Variants in CRTAC1 observed in about 807,000 individuals in gnomAD.
The protein encoded by CRTAC1 is acidic secreted protein in cartilage.
In CRTAC1, 37 loss-of-function variants were observed where a neutral mutation model predicts 67.8. The ratio of observed to expected loss-of-function variants is 0.55; its 90% CI spans 0.42 to 0.72. The LOEUF (loss-of-function observed/expected upper bound fraction) is 0.72. Among genes scored for constraint, CRTAC1 ranks in the 30% least tolerant of loss-of-function variants. The pLI is 0.00. For synonymous variants in CRTAC1, 348 were observed against 371.0 expected (o/e 0.94, Z 0.71); for missense variants, 780 against 931.6 (o/e 0.84, Z 2.12).
intron 2 of CRTAC1, among the ~76,000 whole-genome samples, chr10:97,940,747 AG>A (rs2136619597): frequency 6.6e-6 from 1 of 152,326 alleles, no homozygotes; most frequent in Non-Finnish European, 1.5e-5. Context: ...CATCTGGAAC[AG>A]GGGGCTGCTG....
At chr10:97,957,064 C>T (rs1188585965) in intron 2 of CRTAC1, among the ~76,000 whole-genome samples, 2 of 151,968 alleles carry the variant, frequency 1.3e-5, no homozygotes, top group East Asian at 3.9e-4. Context: ...ATCCTTCCAC[C>T]TTGGCCTCTT....
chr10:97,925,608 ATGAGTGAGAG>A (rs1304798062), intron 3 of CRTAC1, among the ~76,000 whole-genome samples: 5 of 135,164 alleles, frequency 3.7e-5, no homozygotes, highest in Admixed American at 1.5e-4. Context: ...GAGAGCGGGG[ATGAGTGAGAG>A]TGAGTGTGAG....
At chr10:97,913,968 G>T (rs1453307895) in intron 5 of CRTAC1, among the ~76,000 whole-genome samples, 1 of 152,200 alleles carries the variant, frequency 6.6e-6, no homozygotes, top group Admixed American at 6.5e-5. Context: ...ACTGCTCCCA[G>T]CCAACAGCAA....
chr10:97,936,218 C>A lies in CRTAC1; in HGVS notation c.373G>T (p.Asp125Tyr), dbSNP rs2051084507. 2 of 1,613,822 alleles carry A rather than the reference C, an allele frequency of 1.2e-6. No individual in the cohort carries two copies. The change falls in exon 3 of 15, where the codon GAC becomes TAC. Residue 125 changes from aspartate (D) to tyrosine (Y), a missense_variant. Asp to Tyr is a radical substitution (Grantham distance 160). Coordinates refer to ENST00000370597, the MANE Select transcript of CRTAC1 (RefSeq NM_018058.7). ...IGVTACDIDG[D>Y]GREEIYFLNT... is the part of the protein sequence containing the mutation. ...AGGAAGTAGATCTCCTCCCGGCCGT[C>A]CCCGTCGATGTCGCAGGCTGTGACC...
At chr10:97,880,687 C>T (rs532859217) in intron 13 of CRTAC1, among the ~76,000 whole-genome samples, 1 of 152,270 alleles carries the variant, frequency 6.6e-6, no homozygotes. Flanking sequence ...CACAACCTCT[C>T]CCCGTGGCTC....
chr10:98,023,727 C>T (rs938997246), intron 1 of CRTAC1, among the ~76,000 whole-genome samples: 1 of 152,198 alleles, frequency 6.6e-6, no homozygotes, highest in Non-Finnish European at 1.5e-5. Flanking sequence ...AGGGACTGAC[C>T]TCCAGAGGCT....
At chr10:97,914,439 C>T (rs932559474) in intron 5 of CRTAC1, among the ~76,000 whole-genome samples, 2 of 152,190 alleles carry the variant, frequency 1.3e-5, no homozygotes, top group Admixed American at 6.5e-5. Context: ...GTCCCATGTG[C>T]GCCTCCTTTC....
chr10:97,883,584 T>C (rs1479777087), intron 12 of CRTAC1, among the ~76,000 whole-genome samples: 1 of 152,236 alleles, frequency 6.6e-6, no homozygotes, highest in Non-Finnish European at 1.5e-5. Context: ...CTTGAGCTCC[T>C]AGGGCTGAGG....
chr10:97,952,492 C>G (rs543749357), intron 2 of CRTAC1, among the ~76,000 whole-genome samples: 1 of 133,366 alleles, frequency 7.5e-6, no homozygotes, highest in South Asian at 2.4e-4. Context: ...GAGTCAAGAT[C>G]ATGCCATTGC....
At chr10:97,874,905 A>C (rs4919155) in intron 14 of CRTAC1, among the ~76,000 whole-genome samples, 70,575 of 151,970 alleles carry the variant, frequency 0.46, 16,685 homozygotes, top group East Asian at 0.71. Flanking sequence ...CATAGCACGT[A>C]TCATGCTCCA....
At chr10:98,014,404 A>G (rs1842958289) in intron 1 of CRTAC1, among the ~76,000 whole-genome samples, 1 of 152,238 alleles carries the variant, frequency 6.6e-6, no homozygotes. Context: ...CATGCCTGAC[A>G]ATAGTTTCTT....
intron 8 of CRTAC1, 120 bp from the exon 9 acceptor site, chr10:97,897,111 C>G: frequency 3.2e-6 from 2 of 632,262 alleles, no homozygotes; most frequent in Non-Finnish European, 5.4e-6. Flanking sequence ...GGGCTACCAC[C>G]TGGCTGCCCA....
intron 2 of CRTAC1, among the ~76,000 whole-genome samples, chr10:97,942,896 T>C (rs1288262089): frequency 1.3e-5 from 2 of 151,234 alleles, no homozygotes; most frequent in African/African-American, 4.9e-5. Context: ...GTGACACCTG[T>C]CTCTACAAAA....
At chr10:97,993,613 T>C (rs1842500515) in intron 2 of CRTAC1, among the ~76,000 whole-genome samples, 1 of 152,230 alleles carries the variant, frequency 6.6e-6, no homozygotes, top group African/African-American at 2.4e-5. Flanking sequence ...GATGTTGCTC[T>C]CAAGGCGAAG....
At chr10:97,965,194 C>T (rs2051595347) in intron 2 of CRTAC1, among the ~76,000 whole-genome samples, 1 of 152,226 alleles carries the variant, frequency 6.6e-6, no homozygotes, top group Non-Finnish European at 1.5e-5. Context: ...CTTGGACAGT[C>T]TCTACCCTCA....
At chr10:97,952,538 C>CAAAAAAAAAAAA (rs397844653) in intron 2 of CRTAC1, among the ~76,000 whole-genome samples, 17 of 64,222 alleles carry the variant, frequency 2.6e-4, no homozygotes, top group African/African-American at 1.0e-3. Flanking sequence ...AATTCCATCT[C>CAAAAAAAAAAAA]AAAAAAAAAA....
chr10:98,023,836 G>A (rs1843170621), intron 1 of CRTAC1, among the ~76,000 whole-genome samples: 1 of 152,180 alleles, frequency 6.6e-6, no homozygotes, highest in African/African-American at 2.4e-5. Context: ...GTCCTCTCAG[G>A]GGAGCCTCAA....
intron 2 of CRTAC1, among the ~76,000 whole-genome samples, chr10:97,959,343 C>T (rs2051488203): frequency 6.6e-6 from 1 of 152,202 alleles, no homozygotes; most frequent in African/African-American, 2.4e-5. Context: ...GGTAAACACA[C>T]CTGACAGCAA....
chr10:97,948,866 A>C (rs1331536041), intron 2 of CRTAC1, among the ~76,000 whole-genome samples: 1 of 152,214 alleles, frequency 6.6e-6, no homozygotes, highest in Non-Finnish European at 1.5e-5. Context: ...TTCCTTCTTC[A>C]CATGGCGTCA....
Sources: gnomAD v4.1 joint callset for allele counts (sites outside exome capture counted in the v4.1 genomes callset) on GRCh38, gnomAD v4.1.1 for gene constraint, MANE v1.5 for transcripts, NCBI Gene and HGNC (gene_info 2026-07-23, HGNC 2026-07-21) for gene names.